The following TNR variants were observed in gnomAD, a reference collection of about 807,000 sequenced individuals.
TNR encodes the protein tenascin R, also known as tenascin-R.
A neutral mutation model predicts 150.4 loss-of-function variants in TNR; 45 were observed. The ratio of observed to expected loss-of-function variants is 0.30; its 90% confidence interval spans 0.24 to 0.38. TNR has a LOEUF of 0.38. Among genes scored for constraint, TNR ranks in the 10% least tolerant of loss-of-function variants. The pLI, the probability that TNR is intolerant of heterozygous loss-of-function variation, is 1.00. For synonymous variants in TNR, 687 were observed against 678.4 expected, an observed-to-expected ratio of 1.01 and a Z score of -0.20; for missense variants, 1,544 against 1,759.1, an observed-to-expected ratio of 0.88 and a Z score of 2.19.
intron 2 of TNR, among the ~76,000 whole-genome samples, chr1:175,441,137 A>C (rs1027294837): frequency 6.6e-6 from 1 of 152,220 alleles, no homozygotes; most frequent in African/African-American, 2.4e-5. Context: ...TGTCCCCAAC[A>C]ATTAACATGA....
chr1:175,331,039 T>TTCTTTCTTTCTTTCTTTCTTTCTTTC (rs1649762475), intron 20 of TNR, among the ~76,000 whole-genome samples: 3 of 73,308 alleles, frequency 4.1e-5, no homozygotes, highest in Admixed American at 3.4e-4. Flanking sequence ...CTTTCTTTCT[T>TTCTTTCTTTCTTTCTTTCTTTCTTTC]TCTTTCTTTC....
chr1:175,399,358 A>G (rs1653590416), intron 4 of TNR, among the ~76,000 whole-genome samples: 1 of 152,232 alleles, frequency 6.6e-6, no homozygotes, highest in African/African-American at 2.4e-5. Flanking sequence ...TATTAACAAT[A>G]GAGGGTGATC....
chr1:175,357,039 T>C (rs1651365764), intron 15 of TNR, among the ~76,000 whole-genome samples: 1 of 152,240 alleles, frequency 6.6e-6, no homozygotes, highest in African/African-American at 2.4e-5. Context: ...TGTTATCACA[T>C]GCCAAGATTA....
At chr1:175,570,661 C>T (rs1661829243) in intron 1 of TNR, among the ~76,000 whole-genome samples, 1 of 151,690 alleles carries the variant, frequency 6.6e-6, no homozygotes, top group African/African-American at 2.4e-5. Flanking sequence ...CCGCTTTCTC[C>T]TTTTGTCCCT....
chr1:175,736,255 C>T (rs1667765822), intron 1 of TNR, among the ~76,000 whole-genome samples: 1 of 152,240 alleles, frequency 6.6e-6, no homozygotes, highest in African/African-American at 2.4e-5. Flanking sequence ...GGCGTGGTGG[C>T]TCACGCCTGT....
intron 2 of TNR, among the ~76,000 whole-genome samples, chr1:175,459,712 G>A (rs1306128720): frequency 6.6e-6 from 1 of 152,176 alleles, no homozygotes; most frequent in Non-Finnish European, 1.5e-5. Context: ...GAGAAAGTCT[G>A]GCAGACAGGG....
At chr1:175,628,169 A>G (rs1361468387) in intron 1 of TNR, among the ~76,000 whole-genome samples, 1 of 152,210 alleles carries the variant, frequency 6.6e-6, no homozygotes, top group Non-Finnish European at 1.5e-5. Flanking sequence ...TCTGCAGACC[A>G]CACTCTGAGA....
chr1:175,461,853 A>G (rs1392768661), intron 2 of TNR, among the ~76,000 whole-genome samples: 3 of 151,994 alleles, frequency 2.0e-5, no homozygotes, highest in African/African-American at 4.8e-5. Flanking sequence ...TTTCTCTTCT[A>G]TCCTTTGCAG....
chr1:175,416,923 G>T (rs1300479433), intron 2 of TNR, among the ~76,000 whole-genome samples: 1 of 152,036 alleles, frequency 6.6e-6, no homozygotes, highest in African/African-American at 2.4e-5. Context: ...CAGGAGAATG[G>T]CGTGAACCCG....
chr1:175,440,307 T>C (rs1225371897), intron 2 of TNR, among the ~76,000 whole-genome samples: 1 of 145,220 alleles, frequency 6.9e-6, no homozygotes, highest in Non-Finnish European at 1.5e-5. Context: ...TTTTCACTCA[T>C]AGGTGGGAAT....
In TNR at chr1:175,644,156, A is replaced by G. The variant is rs150599221; in HGVS notation, c.-165+99070T>C. 6.6e-5 allele frequency among the ~76,000 whole-genome samples: 10 copies of G among 152,346 alleles called. No individual in the cohort carries two copies. In the East Asian group the frequency reaches 1.7e-3, roughly 26 times the overall value. ...CAAATTAGGGGGTGTGTTAGCTGCT[A>G]AGTATTTATGTTACCCCACAGGGTC... On this transcript the variant is annotated intron_variant, in intron 1 of 22. Coordinates refer to ENST00000367674, the MANE Select transcript of TNR (RefSeq NM_003285.3).
intron 1 of TNR, among the ~76,000 whole-genome samples, chr1:175,601,857 C>T (rs1441058844): frequency 6.6e-6 from 1 of 152,092 alleles, no homozygotes; most frequent in Non-Finnish European, 1.5e-5. Context: ...GGAAGGACTC[C>T]ATCTTGGGAG....
At chr1:175,460,081 A>T (rs759829166) in intron 2 of TNR, among the ~76,000 whole-genome samples, 47 of 152,210 alleles carry the variant, frequency 3.1e-4, no homozygotes, top group Non-Finnish European at 5.6e-4. Flanking sequence ...CAGACTGCTA[A>T]CATTTGCTGT....
chr1:175,397,384 G>C (rs972247310), intron 4 of TNR, among the ~76,000 whole-genome samples: 1 of 152,068 alleles, frequency 6.6e-6, no homozygotes, highest in Non-Finnish European at 1.5e-5. Context: ...TACACAACGG[G>C]GCTTTTAAAT....
At chr1:175,574,034 T>C (rs1661997549) in intron 1 of TNR, among the ~76,000 whole-genome samples, 1 of 152,168 alleles carries the variant, frequency 6.6e-6, no homozygotes, top group Admixed American at 6.5e-5. Flanking sequence ...CCCAGTTGTT[T>C]TTTATCTCAG....
At chr1:175,735,935 C>T (rs1234908563) in intron 1 of TNR, among the ~76,000 whole-genome samples, 1 of 152,148 alleles carries the variant, frequency 6.6e-6, no homozygotes, top group East Asian at 1.9e-4. Context: ...ATCAGATTGG[C>T]TCTTGGTACT....
At chr1:175,331,098 T>C (rs1267943371) in intron 20 of TNR, among the ~76,000 whole-genome samples, 72 of 134,216 alleles carry the variant, frequency 5.4e-4, no homozygotes, top group African/African-American at 9.0e-4. Flanking sequence ...TCTTTCTTTC[T>C]TTCTCTCTCT....
chr1:175,662,470 G>T (rs771191732), intron 1 of TNR, among the ~76,000 whole-genome samples: 14 of 152,038 alleles, frequency 9.2e-5, no homozygotes, highest in Non-Finnish European at 1.9e-4. Context: ...CTCCCTACTG[G>T]GCCTCCCCTA....
At chr1:175,616,153 C>T (rs1311267267) in intron 1 of TNR, among the ~76,000 whole-genome samples, 1 of 152,176 alleles carries the variant, frequency 6.6e-6, no homozygotes, top group East Asian at 1.9e-4. Flanking sequence ...CCATGCGACC[C>T]TAAAGGGCAT....
Sources: allele counts gnomAD v4.1 joint callset (sites outside exome capture counted in the v4.1 genomes callset), GRCh38; gene constraint gnomAD v4.1.1; transcripts MANE v1.5; gene names NCBI Gene and HGNC (gene_info 2026-07-23, HGNC 2026-07-21).